GABRA5: variants seen among roughly 807,000 people sequenced by gnomAD.
GABRA5 encodes gamma-aminobutyric acid type A receptor subunit alpha5.
A neutral mutation model predicts 47.3 loss-of-function variants in GABRA5; 18 were observed. That is an observed-to-expected ratio of 0.38 (90% CI 0.26 to 0.56). The LOEUF (loss-of-function observed/expected upper bound fraction) is 0.56, where lower values mean the gene tolerates loss of function less well. GABRA5 is among the 20% of genes least tolerant of loss of function. GABRA5 has a pLI of 0.71. For missense variants in GABRA5, 365 were observed against 599.3 expected (o/e 0.61, Z 4.08); for synonymous variants, 237 against 229.3 (o/e 1.03, Z -0.30).
chr15:26,893,220 G>GT (rs1893062053), intron 6 of GABRA5, among the ~76,000 whole-genome samples: 1 of 148,010 alleles, frequency 6.8e-6, no homozygotes, highest in Non-Finnish European at 1.5e-5. Flanking sequence ...TGTATGGTGT[G>GT]AGCGTATGGT....
chr15:26,891,810 C>A (rs1595403535), intron 6 of GABRA5, among the ~76,000 whole-genome samples: 1 of 152,216 alleles, frequency 6.6e-6, no homozygotes, highest in African/African-American at 2.4e-5. Flanking sequence ...GGCCACAGTG[C>A]TGCTGCAGGC....
chr15:26,919,270 A>C (rs1893788452), intron 7 of GABRA5, among the ~76,000 whole-genome samples: 1 of 152,178 alleles, frequency 6.6e-6, no homozygotes, highest in Admixed American at 6.5e-5. Flanking sequence ...GGAAGGATTC[A>C]CTATTGGCAT....
Position 26,883,222 on chromosome 15 carries a change from G to A in GABRA5, c.265G>A (p.Asp89Asn), listed in dbSNP as rs1892780414. Residue 89 changes from aspartate (D) to asparagine (N), a missense_variant, in exon 5 of 11, where the codon GAC becomes AAC. Coordinates refer to ENST00000335625, the MANE Select transcript of GABRA5 (RefSeq NM_000810.4). This position sits in a 1 kb window ranked among gnomAD's most constrained non-coding sequence, Gnocchi z 4.8. ...IYVTSFGPVSDTEMEYTIDVF... is the reference protein window; with the variant it reads ...IYVTSFGPVSNTEMEYTIDVF... ...CGTCACCAGCTTCGGCCCGGTGTCC[G>A]ACACGGAAATGGTAGGTCCCGGGGC... The A allele has an allele frequency of 6.2e-7, 1 of 1,613,720 alleles. No homozygotes were observed. The highest frequency in any genetic ancestry group is 1.3e-5 in the African/African-American group (1 of 74,924).
chr15:26,905,546 AT>A (rs952511007), intron 6 of GABRA5, among the ~76,000 whole-genome samples: 1 of 151,662 alleles, frequency 6.6e-6, no homozygotes, highest in African/African-American at 2.4e-5. Flanking sequence ...TTCAGCCATA[AT>A]TTTTTTCAAA....
chr15:26,878,292 A>G (rs1892646574), intron 3 of GABRA5, among the ~76,000 whole-genome samples: 1 of 152,256 alleles, frequency 6.6e-6, no homozygotes, highest in African/African-American at 2.4e-5. Context: ...TAGAGGCGCT[A>G]GCCAGTTCCC....
chr15:26,944,720 CG>C (rs918042791), intron 10 of GABRA5, among the ~76,000 whole-genome samples: 1 of 152,140 alleles, frequency 6.6e-6, no homozygotes, highest in African/African-American at 2.4e-5. Flanking sequence ...TCTGGGGAGA[CG>C]GGGCTTCCCA....
intron 6 of GABRA5, among the ~76,000 whole-genome samples, chr15:26,888,420 A>G (rs959347549): frequency 1.3e-5 from 2 of 152,230 alleles, no homozygotes; most frequent in Non-Finnish European, 2.9e-5. Flanking sequence ...GGTCACTCCA[A>G]GGAAGCTCAG....
chr15:26,917,104 G>A (rs1272596975), intron 7 of GABRA5, among the ~76,000 whole-genome samples: 2 of 151,888 alleles, frequency 1.3e-5, no homozygotes, highest in Admixed American at 1.3e-4. Context: ...CTAAAGTATT[G>A]TACTGAATAG....
chr15:26,867,934 G>A lies in GABRA5; in HGVS notation c.-139-795G>A, dbSNP rs1892360696. The A allele has an allele frequency of 6.6e-6, 1 of 152,104 alleles. No individual in the cohort carries two copies. Among genetic ancestry groups the A allele is most frequent in the Non-Finnish European group, 1.5e-5 (1 of 68,026 alleles). The allele number at this position is 152,104 out of a possible 1,614,324, so 9.4% of individuals were successfully genotyped here. A position where few individuals can be genotyped will look rare whatever the true frequency, so the allele number is the denominator to read the frequency against. Reference sequence around the variant, plus strand: ...TGGCTCGTACCCGGGGCAGGAGCAGGGGAAGTCTGCGAAAGCCGGGAGCGA... The same window carrying A: ...TGGCTCGTACCCGGGGCAGGAGCAGAGGAAGTCTGCGAAAGCCGGGAGCGA... On this transcript the variant is annotated intron_variant, in intron 1 of 10. Coordinates refer to ENST00000335625, the MANE Select transcript of GABRA5 (RefSeq NM_000810.4). This position sits in a 1 kb window ranked among gnomAD's most constrained non-coding sequence, Gnocchi z 5.9.
At chr15:26,875,725 C>G (rs536056418) in intron 3 of GABRA5, among the ~76,000 whole-genome samples, 1 of 151,434 alleles carries the variant, frequency 6.6e-6, no homozygotes, top group Non-Finnish European at 1.5e-5. Flanking sequence ...GGAGGAAGGG[C>G]TGGGGTTGGG....
intron 6 of GABRA5, among the ~76,000 whole-genome samples, chr15:26,885,356 TCTA>T (rs767921637): frequency 0.11 from 16,495 of 150,976 alleles, 980 homozygotes; most frequent in East Asian, 0.17. Context: ...GGGCGTGAGC[TCTA>T]TCCTGTTTGA....
intron 6 of GABRA5, among the ~76,000 whole-genome samples, chr15:26,893,223 C>CAT: frequency 2.8e-5 from 1 of 35,214 alleles, no homozygotes; most frequent in Non-Finnish European, 6.2e-5. Flanking sequence ...ATGGTGTGAG[C>CAT]GTATGGTGTG....
intron 3 of GABRA5, among the ~76,000 whole-genome samples, chr15:26,870,856 G>A (rs186219244): frequency 1.2e-3 from 179 of 152,334 alleles, no homozygotes; most frequent in African/African-American, 3.9e-3. Context: ...CATTTTGGTG[G>A]TGAAGAATAT....
chr15:26,891,750 G>A (rs1258268101), intron 6 of GABRA5, among the ~76,000 whole-genome samples: 3 of 152,192 alleles, frequency 2.0e-5, no homozygotes, highest in South Asian at 2.1e-4. Flanking sequence ...CTAGTGCGCA[G>A]CCAGCCTGCA....
intron 7 of GABRA5, among the ~76,000 whole-genome samples, chr15:26,926,772 G>C (rs1476985627): frequency 6.6e-6 from 1 of 152,038 alleles, no homozygotes; most frequent in Non-Finnish European, 1.5e-5. Context: ...TTGTTTTTTT[G>C]ATCATTGGTT....
intron 6 of GABRA5, among the ~76,000 whole-genome samples, chr15:26,886,451 G>A (rs1892881820): frequency 6.6e-6 from 1 of 152,184 alleles, no homozygotes; most frequent in Non-Finnish European, 1.5e-5. Context: ...CGCCTACTGA[G>A]TCTGTATAGC....
intron 3 of GABRA5, among the ~76,000 whole-genome samples, chr15:26,877,169 C>T (rs1892619932): frequency 6.6e-6 from 1 of 152,196 alleles, no homozygotes; most frequent in African/African-American, 2.4e-5. Flanking sequence ...CTCAGAGCCT[C>T]ATAAAACAAT....
intron 6 of GABRA5, among the ~76,000 whole-genome samples, chr15:26,905,082 T>C (rs1893412142): frequency 6.6e-6 from 1 of 152,170 alleles, no homozygotes; most frequent in Non-Finnish European, 1.5e-5. Flanking sequence ...CAGAATGATG[T>C]TGACTGTGGA....
chr15:26,932,092 T>C (rs1458773275), intron 7 of GABRA5, among the ~76,000 whole-genome samples: 1 of 152,066 alleles, frequency 6.6e-6, no homozygotes, highest in Non-Finnish European at 1.5e-5. Context: ...TCAAAAGCAG[T>C]TTCAAAAAAT....
Sources: allele counts gnomAD v4.1 joint callset (sites outside exome capture counted in the v4.1 genomes callset), GRCh38; gene constraint gnomAD v4.1.1; non-coding constraint Gnocchi (gnomAD v3.1); transcripts MANE v1.5; gene names NCBI Gene and HGNC (gene_info 2026-07-23, HGNC 2026-07-21).